SMG1: variants seen among roughly 807,000 people sequenced by gnomAD.
The protein encoded by SMG1 is SMG1 nonsense mediated mRNA decay associated PI3K related kinase.
A neutral mutation model predicts 419.9 loss-of-function variants in SMG1; 22 were observed. The observed-to-expected ratio is 0.05, with a 90% CI of 0.04 to 0.07. The LOEUF is 0.07. SMG1 is among the 10% of genes least tolerant of loss of function. SMG1 has a pLI of 1.00. For synonymous variants in SMG1, 1,538 were observed against 1,553.5 expected (o/e 0.99, Z 0.23); for missense variants, 3,185 against 4,342.0 (o/e 0.73, Z 7.49).
At chr16:18,923,912 A>G (rs1305799920) in intron 1 of SMG1, among the ~76,000 whole-genome samples, 4 of 152,116 alleles carry the variant, frequency 2.6e-5, no homozygotes, top group Non-Finnish European at 5.9e-5. Context: ...CACCCCAGGT[A>G]TTTTTATTGA....
At position 18,844,570 on chromosome 16, in the gene SMG1, T is replaced by TCACACACACA. The variant is rs56381713; in HGVS notation, c.6219+849_6219+858dup. ...ACACATAATAAACTTCATCCTTCTC[T>TCACACACACA]CACACACACACACGGAAACTCGAGT... On this transcript the variant is annotated intron_variant, in intron 39 of 62. Transcript: ENST00000446231. Among the ~76,000 whole-genome samples the TCACACACACA allele has an allele frequency of 1.1e-4, 10 of 88,540 alleles. 2 individuals carry two copies. In the Middle Eastern group the frequency reaches 0.023, roughly 201 times the overall value. 58.1% of individuals were successfully genotyped at this position (88,540 alleles called of 152,430 possible).
chr16:18,902,294 C>T (rs1476928135), intron 1 of SMG1, among the ~76,000 whole-genome samples: 1 of 152,152 alleles, frequency 6.6e-6, no homozygotes, highest in Non-Finnish European at 1.5e-5. Flanking sequence ...CTGCCCTATG[C>T]ACCTCTACCC....
intron 55 of SMG1, among the ~76,000 whole-genome samples, chr16:18,820,688 G>T (rs1039352328): frequency 6.6e-6 from 1 of 152,114 alleles, no homozygotes; most frequent in African/African-American, 2.4e-5. Flanking sequence ...GTTCATTCTT[G>T]TAAGTTGAAA....
Position 18,850,061 on chromosome 16 carries a change from G to A in SMG1, c.5349C>T (p.Asp1783=), listed in dbSNP as rs2141376318. ...LSHRVEQSTD[D]MIVMATLRLL... ...GGCGCAATGTGGCCATCACAATCAT[G>A]TCATCAGTGCTCTGTTCCACTCTGT... Residue 1783 remains aspartate, a synonymous_variant, in exon 35 of 63, where the codon GAC becomes GAT. Transcript: ENST00000446231. The A allele has an allele frequency of 6.2e-7, 1 of 1,613,986 alleles. No homozygotes were observed. Among genetic ancestry groups the A allele is most frequent in the African/African-American group, 1.3e-5 (1 of 75,040 alleles).
intron 6 of SMG1, among the ~76,000 whole-genome samples, chr16:18,887,524 T>C (rs1227094671): frequency 3.5e-5 from 5 of 141,584 alleles, no homozygotes. Flanking sequence ...TCCTTTTTTT[T>C]TTTTTTTTTA....
At position 18,894,056 on chromosome 16, in the gene SMG1, C is replaced by CATAAATAA. The variant is rs5816014; in HGVS notation, c.413-1710_413-1703dup. ...TGGGTGACAGGGAGATACTCCATCT[C>CATAAATAA]ATAAATAAATAAATAAATAAATAAA... is the stretch of plus-strand genomic sequence containing the variant. On this transcript the variant is annotated intron_variant, in intron 3 of 62. Coordinates refer to ENST00000446231, the MANE Select transcript of SMG1 (RefSeq NM_015092.5). 3.1e-3 allele frequency among the ~76,000 whole-genome samples: 444 copies of CATAAATAA among 144,634 alleles called. 1 individual carries two copies. Among genetic ancestry groups the CATAAATAA allele is most frequent in the Middle Eastern group, 6.9e-3 (2 of 288 alleles). The allele number at this position is 144,634 out of a possible 152,430, so 94.9% of individuals were successfully genotyped here.
rs563684640 is a variant in SMG1, at chr16:18,845,395, C to T, written c.6219+34G>A. ...CGTATCTCATGGGAACTGTGATGTG[C>T]CATTTCAGTAGCATGCTTGGGATTA... On this transcript the variant is annotated intron_variant, in intron 39 of 62. Coordinates refer to ENST00000446231, the MANE Select transcript of SMG1 (RefSeq NM_015092.5). 10 of 1,551,616 alleles carry T rather than the reference C, an allele frequency of 6.4e-6. No homozygotes were observed. In the South Asian group the frequency reaches 7.9e-5, roughly 12 times the overall value.
At chr16:18,878,334 A>G (rs181963349) in intron 11 of SMG1, 1 of 151,474 alleles carries the variant, frequency 6.6e-6, no homozygotes, top group Non-Finnish European at 1.5e-5. Context: ...GAGGCCAGGC[A>G]TGATTGCTCA....
At chr16:18,910,946 T>G (rs2037768985) in intron 1 of SMG1, among the ~76,000 whole-genome samples, 1 of 152,220 alleles carries the variant, frequency 6.6e-6, no homozygotes, top group Non-Finnish European at 1.5e-5. Context: ...ATTCCAACTG[T>G]GTAGTAAAAG....
chr16:18,925,487 A>C (rs1329951347), intron 1 of SMG1: 1 of 155,322 alleles, frequency 6.4e-6, no homozygotes, highest in African/African-American at 2.4e-5. Context: ...TGTTTTTTTC[A>C]ATATTAACAC....
intron 38 of SMG1, 113 bp from the exon 39 acceptor site, chr16:18,845,764 G>A: frequency 1.4e-6 from 1 of 732,284 alleles, no homozygotes. Context: ...CAAGGAATAA[G>A]TCTAAATAAA....
Position 18,836,525 on chromosome 16 carries a change from C to G in SMG1, c.7612G>C (p.Glu2538Gln). 6.2e-7 allele frequency: 1 copy of G among 1,612,606 alleles called. No individual in the cohort carries two copies. The highest frequency in any genetic ancestry group is 8.5e-7 in the Non-Finnish European group (1 of 1,179,580). The change falls in exon 47 of 63, where the codon GAG (glutamate) becomes CAG (glutamine). Residue 2538 changes from glutamate to glutamine, a missense_variant. By Grantham distance (29) the Glu-to-Gln change is conservative. Around this residue, in one of 27 missense-constraint regions of SMG1, gnomAD observed 412 missense variants for 546.6 expected, o/e 0.75. Transcript: ENST00000446231. ...PSHTLQHRYS[E>Q]HTQLQTQQRA... ...TGCTGAGTCTGTAGTTGGGTGTGCT[C>G]AGAATACCTAATCAGGGGGACACAA... is the stretch of plus-strand genomic sequence containing the variant.
At position 18,876,539 on chromosome 16, in the gene SMG1, T is replaced by C. The variant is rs1326382476; in HGVS notation, c.1621-146A>G. On this transcript the variant is annotated intron_variant, in intron 12 of 62. Transcript: ENST00000446231. ...TCACTGTCCGTAGCACTTAATATTT[T>C]AACTTTTTAAAAACCAGTCAGAAAA... The C allele has an allele frequency of 6.1e-6, 7 of 1,153,488 alleles. No individual in the cohort carries two copies. The African/African-American group carries it at 9.4e-5, about 15-fold the overall frequency. The allele number at this position is 1,153,488 out of a possible 1,614,324, so 71.5% of individuals were successfully genotyped here.
In SMG1 at chr16:18,844,854, T is replaced by C. The variant is rs528765872; in HGVS notation, c.6219+575A>G. On this transcript the variant is annotated intron_variant, in intron 39 of 62. Coordinates refer to ENST00000446231, the MANE Select transcript of SMG1 (RefSeq NM_015092.5). ...CAAAGTAATAAGCTCCCCCAACTAA[T>C]GGTGTTATTTGCTAGAAAAGATAAA... Among the ~76,000 whole-genome samples, 173 of 152,168 alleles carry C rather than the reference T, an allele frequency of 1.1e-3. 1 individual carries two copies. Among genetic ancestry groups the C allele is most frequent in the Non-Finnish European group, 1.8e-3 (122 of 67,998 alleles).
chr16:18,847,772 T>C, intron 37 of SMG1, 44 bp downstream of exon 37: 1 of 1,595,962 alleles, frequency 6.3e-7, no homozygotes, highest in South Asian at 1.1e-5. Flanking sequence ...CAATTTTTAT[T>C]ATTCTATAAA....
At chr16:18,901,771 T>C (rs1401914426) in intron 1 of SMG1, among the ~76,000 whole-genome samples, 1 of 151,952 alleles carries the variant, frequency 6.6e-6, no homozygotes. Flanking sequence ...GGTCAGGATT[T>C]TGAGACCAGC....
rs1325275620 is a variant in SMG1 at position 18,885,565 on chromosome 16, A to G, written c.924T>C (p.Pro308=). 6 of 1,596,154 alleles carry G rather than the reference A, an allele frequency of 3.8e-6. No individual in the cohort carries two copies. Among genetic ancestry groups the G allele is most frequent in the Non-Finnish European group, 5.1e-6 (6 of 1,179,570 alleles). The part of the protein sequence containing the change: ...KCILLVARCY[P]HIFSTNFRDT... ...CCCTAAAATTAGTGCTGAAAATATG[A>G]GGGTAACATCGAGCCACCAAAAGAA... The change falls in exon 7 of 63, where the codon CCT becomes CCC. Residue 308 remains proline (P), a synonymous_variant. Transcript: ENST00000446231.
intron 10 of SMG1, among the ~76,000 whole-genome samples, chr16:18,881,599 G>A (rs1372275218): frequency 6.6e-6 from 1 of 151,994 alleles, no homozygotes; most frequent in East Asian, 1.9e-4. Context: ...CAATGCCTGG[G>A]GTTCATTTCT....
intron 39 of SMG1, among the ~76,000 whole-genome samples, 197 bp from the exon 40 acceptor site, chr16:18,842,651 C>A (rs905665969): frequency 6.6e-6 from 1 of 152,052 alleles, no homozygotes; most frequent in Admixed American, 6.6e-5. Flanking sequence ...ATGGCAAAAC[C>A]CCATCTCTAC....
Sources: gnomAD v4.1 joint callset for allele counts (sites outside exome capture counted in the v4.1 genomes callset) on GRCh38, gnomAD v4.1.1 for gene constraint, gnomAD v4.1.1 regional missense constraint, MANE v1.5 for transcripts, NCBI Gene and HGNC (gene_info 2026-07-23, HGNC 2026-07-21) for gene names.